The following KYNU variants were observed in gnomAD, a reference collection of about 807,000 sequenced individuals.
KYNU encodes the protein kynureninase.
Under a neutral mutation model 59.2 loss-of-function variants are expected in KYNU, and 54 were observed. That is an observed-to-expected ratio of 0.91 (90% CI 0.73 to 1.14). The LOEUF (loss-of-function observed/expected upper bound fraction) is 1.14. Among genes scored for constraint, KYNU ranks in the 50% most tolerant of loss-of-function variants. The pLI is 0.00. For missense variants in KYNU, 567 were observed against 554.4 expected (o/e 1.02, Z -0.23); for synonymous variants, 177 against 192.0 (o/e 0.92, Z 0.65).
intron 8 of KYNU, among the ~76,000 whole-genome samples, chr2:142,972,813 TAG>T (rs66473877): frequency 0.13 from 15,663 of 123,706 alleles, 1,039 homozygotes; most frequent in East Asian, 0.28. Flanking sequence ...TATATATATA[TAG>T]AGAGAGAGAG....
At chr2:142,950,482 A>C (rs939546534) in intron 4 of KYNU, among the ~76,000 whole-genome samples, 3 of 152,200 alleles carry the variant, frequency 2.0e-5, no homozygotes, top group Non-Finnish European at 2.9e-5. Flanking sequence ...CACATCTTAC[A>C]TGGATGGCAG....
At chr2:143,017,747 A>G (rs1037274591) in intron 10 of KYNU, among the ~76,000 whole-genome samples, 1 of 151,216 alleles carries the variant, frequency 6.6e-6, no homozygotes, top group African/African-American at 2.4e-5. Context: ...CATTTTTTTA[A>G]CCTTTTCATA....
intron 8 of KYNU, among the ~76,000 whole-genome samples, chr2:142,964,927 C>G (rs1332217559): frequency 6.6e-6 from 1 of 152,136 alleles, no homozygotes; most frequent in African/African-American, 2.4e-5. Flanking sequence ...TGAAGATGTG[C>G]CAACCCATCT....
Position 142,993,860 on chromosome 2 carries a change from A to G in KYNU, c.902+7839A>G, listed in dbSNP as rs1254155441. Among the ~76,000 whole-genome samples, 5 of 151,966 alleles carry G rather than the reference A, an allele frequency of 3.3e-5. No homozygotes were observed. The East Asian group carries it at 9.7e-4, about 29-fold the overall frequency. ...AAGCTATTCTTGCTTGTAAATCGCT[A>G]CTCTCAGATAATGATGAAATAGTCA... On this transcript the variant is annotated intron_variant, in intron 10 of 13. Coordinates refer to ENST00000264170, the MANE Select transcript of KYNU (RefSeq NM_003937.3).
chr2:143,039,324 T>C (rs1686970509), intron 12 of KYNU, among the ~76,000 whole-genome samples: 1 of 152,156 alleles, frequency 6.6e-6, no homozygotes, highest in Non-Finnish European at 1.5e-5. Context: ...CCAGTAACAC[T>C]GCTTTACACA....
chr2:142,885,414 T>G lies in KYNU; in HGVS notation c.47T>G (p.Ile16Ser). ...CTGCCGGCTGACACAGTGCAGCGCA[T>G]TGCGGCTGAACTCAAATGCCACCCA... ...LELPADTVQRIAAELKCHPTD... is the reference protein window; with the variant it reads ...LELPADTVQRSAAELKCHPTD... Residue 16 changes from isoleucine to serine, a missense_variant, in exon 2 of 14, where the codon ATT becomes AGT. Transcript: ENST00000264170. 6 of 1,614,022 alleles carry G rather than the reference T, an allele frequency of 3.7e-6. No individual in the cohort carries two copies. Among genetic ancestry groups the G allele is most frequent in the Non-Finnish European group, 4.2e-6 (5 of 1,179,974 alleles).
At chr2:142,960,247 G>C (rs1202373253) in intron 7 of KYNU, among the ~76,000 whole-genome samples, 1 of 152,130 alleles carries the variant, frequency 6.6e-6, no homozygotes, top group Admixed American at 6.5e-5. Flanking sequence ...ACCAATTTCT[G>C]ATAATTTATC....
intron 3 of KYNU, 88 bp downstream of exon 3, chr2:142,918,817 G>C (rs1357723304): frequency 1.4e-6 from 2 of 1,421,700 alleles, no homozygotes; most frequent in Non-Finnish European, 2.0e-6. Flanking sequence ...GGAAAGATGT[G>C]TAATAGAATC....
intron 3 of KYNU, among the ~76,000 whole-genome samples, chr2:142,924,383 A>T (rs1377827714): frequency 6.6e-6 from 1 of 152,238 alleles, no homozygotes; most frequent in Non-Finnish European, 1.5e-5. Context: ...CTGGGATTAC[A>T]GGCGTGAGCC....
intron 4 of KYNU, among the ~76,000 whole-genome samples, chr2:142,944,675 A>C (rs1352782629): frequency 6.6e-6 from 1 of 151,516 alleles, no homozygotes; most frequent in Non-Finnish European, 1.5e-5. Context: ...TTAACTTTTA[A>C]AAAAAAAAGA....
At chr2:142,899,803 G>A (rs1002620035) in intron 2 of KYNU, among the ~76,000 whole-genome samples, 1 of 152,226 alleles carries the variant, frequency 6.6e-6, no homozygotes, top group Non-Finnish European at 1.5e-5. Context: ...CTGAAGTGCA[G>A]GGGAATATTT....
chr2:142,995,639 G>T (rs2105177964), intron 10 of KYNU, among the ~76,000 whole-genome samples: 1 of 152,102 alleles, frequency 6.6e-6, no homozygotes, highest in South Asian at 2.1e-4. Flanking sequence ...CCTTCTAATG[G>T]GCATGCTTGG....
At chr2:142,884,914 A>G (rs969682888) in intron 1 of KYNU, among the ~76,000 whole-genome samples, 1 of 143,554 alleles carries the variant, frequency 7.0e-6, no homozygotes, top group African/African-American at 2.5e-5. Context: ...CCAGCATTAA[A>G]CTCCATGCAT....
At position 142,954,690 on chromosome 2, in the gene KYNU, TC is replaced by T. The variant is rs1193891276; in HGVS notation, c.374-119del. On this transcript the variant is annotated intron_variant, in intron 4 of 13. Transcript: ENST00000264170. ...ACTTCCATTTCTTTGTGATGACACA[TC>T]AAATATGCCCTTATCTCTAAAGACA... 2.2e-5 allele frequency: 15 copies of T among 673,188 alleles called. No homozygotes were observed. The African/African-American group carries it at 2.3e-4, about 10-fold the overall frequency. The allele number at this position is 673,188 out of a possible 1,614,324, so 41.7% of individuals were successfully genotyped here.
intron 2 of KYNU, among the ~76,000 whole-genome samples, chr2:142,899,318 T>C (rs12469290): frequency 0.23 from 35,182 of 152,088 alleles, 5,032 homozygotes; most frequent in South Asian, 0.4. Context: ...TGACTGTTTC[T>C]TTACCTCCTG....
Position 143,043,948 on chromosome 2 carries a change from C to A in KYNU, c.*1776C>A, listed in dbSNP as rs369315562. The stretch of plus-strand genomic sequence containing the variant: ...ATTGCTGCACCCATCAACCCGTCAT[C>A]TACATCAGGTATTTCTCCTAATGCT... On this transcript the variant is annotated 3_prime_UTR_variant, in exon 14 of 14. Transcript: ENST00000264170. 3.6e-4 allele frequency: 54 copies of A among 151,722 alleles called. 1 individual carries two copies. The highest frequency in any genetic ancestry group is 1.3e-3 in the African/African-American group (52 of 41,428). 9.4% of individuals were successfully genotyped at this position (151,722 alleles called of 1,614,324 possible). A position where few individuals can be genotyped will look rare whatever the true frequency, so the allele number is the denominator to read the frequency against.
chr2:143,028,400 C>A (rs1371413959), intron 10 of KYNU, among the ~76,000 whole-genome samples: 10 of 150,254 alleles, frequency 6.7e-5, no homozygotes, highest in Non-Finnish European at 1.5e-4. Context: ...TATGCCACCA[C>A]GCCCGTCTAA....
chr2:142,968,633 C>A (rs765766485), intron 8 of KYNU, among the ~76,000 whole-genome samples: 2 of 152,080 alleles, frequency 1.3e-5, no homozygotes, highest in African/African-American at 2.4e-5. Context: ...CTCTCTGTTG[C>A]GTGGGCGCCG....
intron 2 of KYNU, among the ~76,000 whole-genome samples, chr2:142,905,625 T>C (rs1460645235): frequency 2.0e-5 from 3 of 152,254 alleles, no homozygotes; most frequent in Non-Finnish European, 4.4e-5. Context: ...AGCTACCTTT[T>C]TGCTTTTTTG....
Sources: allele counts gnomAD v4.1 joint callset (sites outside exome capture counted in the v4.1 genomes callset), GRCh38; gene constraint gnomAD v4.1.1; transcripts MANE v1.5; gene names NCBI Gene and HGNC (gene_info 2026-07-23, HGNC 2026-07-21).